Variants in RBFOX1 observed in about 807,000 individuals in gnomAD.
RBFOX1 encodes the protein RNA binding protein fox-1 homolog 1.
Under a neutral mutation model 57.7 loss-of-function variants are expected in RBFOX1, and 8 were observed. The ratio of observed to expected loss-of-function variants is 0.14; its 90% CI spans 0.08 to 0.25. The LOEUF (loss-of-function observed/expected upper bound fraction) is 0.25. Among genes scored for constraint, RBFOX1 ranks in the 10% least tolerant of loss-of-function variants. RBFOX1 has a pLI of 1.00. For missense variants in RBFOX1, 611 were observed against 548.5 expected (o/e 1.11, Z -1.14); for synonymous variants, 326 against 222.4 (o/e 1.47, Z -4.15).
At chr16:7,301,689 G>A (rs530007715) in intron 4 of RBFOX1, among the ~76,000 whole-genome samples, 2 of 152,164 alleles carry the variant, frequency 1.3e-5, no homozygotes, top group Admixed American at 6.5e-5. Context: ...TGAGCTGAAG[G>A]AAAAAATTCT....
intron 4 of RBFOX1, among the ~76,000 whole-genome samples, chr16:7,078,934 T>TC (rs1678040123): frequency 7.4e-6 from 1 of 136,050 alleles, no homozygotes; most frequent in Non-Finnish European, 1.5e-5. Context: ...GGTCTTGAGC[T>TC]CCTGACCTCG....
At chr16:7,663,436 C>T (rs1393579255) in intron 12 of RBFOX1, among the ~76,000 whole-genome samples, 1 of 152,128 alleles carries the variant, frequency 6.6e-6, no homozygotes, top group Non-Finnish European at 1.5e-5. Context: ...CTCTGAAATA[C>T]TCTAAGCAGC....
intron 1 of RBFOX1, among the ~76,000 whole-genome samples, chr16:5,355,314 G>T (rs1408967810): frequency 6.6e-6 from 1 of 152,194 alleles, no homozygotes; most frequent in Non-Finnish European, 1.5e-5. Context: ...GTGGCAGGAC[G>T]CAGGGACTAT....
chr16:6,297,148 C>T (rs965941003), intron 1 of RBFOX1, among the ~76,000 whole-genome samples: 6 of 152,116 alleles, frequency 3.9e-5, no homozygotes, highest in South Asian at 2.1e-4. Context: ...TCAGTGTTGT[C>T]GCCATCTTCG....
intron 4 of RBFOX1, among the ~76,000 whole-genome samples, chr16:5,941,330 T>G (rs1308814132): frequency 6.6e-6 from 1 of 151,864 alleles, no homozygotes; most frequent in Admixed American, 6.6e-5. Context: ...TCTCTACATT[T>G]TTTTTTTAAG....
At chr16:5,536,258 T>C (rs1254851922) in intron 2 of RBFOX1, among the ~76,000 whole-genome samples, 2 of 140,372 alleles carry the variant, frequency 1.4e-5, no homozygotes, top group East Asian at 2.0e-4. Context: ...TTTTTTTAGA[T>C]GGAGTCTTGC....
At chr16:6,698,963 G>T (rs1310593845) in intron 3 of RBFOX1, among the ~76,000 whole-genome samples, 1 of 152,214 alleles carries the variant, frequency 6.6e-6, no homozygotes. Flanking sequence ...AACAAGGGGT[G>T]ATGATTGTGA....
intron 4 of RBFOX1, among the ~76,000 whole-genome samples, chr16:5,989,855 CA>C (rs1253028467): frequency 1.9e-5 from 2 of 107,476 alleles, no homozygotes; most frequent in African/African-American, 6.7e-5. Context: ...CACACACACA[CA>C]CACACACACA....
At chr16:7,479,083 T>G (rs2063337528) in intron 4 of RBFOX1, among the ~76,000 whole-genome samples, 1 of 150,678 alleles carries the variant, frequency 6.6e-6, no homozygotes. Context: ...TGCACTCAGG[T>G]TGTGGTGGGA....
intron 4 of RBFOX1, among the ~76,000 whole-genome samples, chr16:7,452,989 C>T (rs1273575330): frequency 6.6e-6 from 1 of 151,894 alleles, no homozygotes; most frequent in African/African-American, 2.4e-5. Context: ...ATTAGCAGGG[C>T]ATGGTGGTGC....
intron 4 of RBFOX1, among the ~76,000 whole-genome samples, chr16:7,061,894 G>A (rs2054404981): frequency 6.6e-6 from 1 of 152,158 alleles, no homozygotes; most frequent in African/African-American, 2.4e-5. Context: ...AGGGCAGGAA[G>A]CAAATAAATA....
intron 1 of RBFOX1, among the ~76,000 whole-genome samples, chr16:6,217,499 G>C (rs1414494934): frequency 1.3e-5 from 2 of 152,124 alleles, no homozygotes; most frequent in African/African-American, 4.8e-5. Context: ...AGGGAAATAA[G>C]GAGCATGGTG....
chr16:7,468,457 GT>G (rs370402076), intron 4 of RBFOX1, among the ~76,000 whole-genome samples: 2,766 of 133,354 alleles, frequency 0.021, 57 homozygotes, highest in African/African-American at 0.062. Flanking sequence ...CTCGGAGGGT[GT>G]TTTTTTTTTT....
At chr16:5,295,461 G>T (rs2151184868) in intron 1 of RBFOX1, among the ~76,000 whole-genome samples, 1 of 152,298 alleles carries the variant, frequency 6.6e-6, no homozygotes, top group South Asian at 2.1e-4. Context: ...TCAGTGCAAG[G>T]CTGCAGCCGT....
intron 2 of RBFOX1, among the ~76,000 whole-genome samples, chr16:6,335,034 G>A (rs1000636125): frequency 2.0e-5 from 3 of 152,208 alleles, no homozygotes; most frequent in African/African-American, 4.8e-5. Flanking sequence ...TATTATGCCT[G>A]TTAGTATTTC....
At chr16:7,070,466 T>C (rs1328609033) in intron 4 of RBFOX1, among the ~76,000 whole-genome samples, 1 of 152,198 alleles carries the variant, frequency 6.6e-6, no homozygotes, top group African/African-American at 2.4e-5. Context: ...TTTTGTGGTG[T>C]TATTTTCAGG....
chr16:6,842,635 T>G (rs982844576), intron 3 of RBFOX1, among the ~76,000 whole-genome samples: 1 of 144,604 alleles, frequency 6.9e-6, no homozygotes, highest in Admixed American at 7.4e-5. Flanking sequence ...TTAGACTGTT[T>G]TTTTTAAATC....
chr16:6,839,461 C>T (rs2093337026), intron 3 of RBFOX1, among the ~76,000 whole-genome samples: 1 of 152,186 alleles, frequency 6.6e-6, no homozygotes, highest in Non-Finnish European at 1.5e-5. Context: ...CTGCTATCTG[C>T]TGAACAGCTC....
chr16:5,883,865 G>C (rs752664823), intron 4 of RBFOX1, among the ~76,000 whole-genome samples: 1 of 152,104 alleles, frequency 6.6e-6, no homozygotes, highest in Non-Finnish European at 1.5e-5. Flanking sequence ...TTAAATAATA[G>C]GATGAGAAGG....
Sources: allele counts gnomAD v4.1 joint callset (sites outside exome capture counted in the v4.1 genomes callset), GRCh38; gene constraint gnomAD v4.1.1; transcripts MANE v1.5; gene names NCBI Gene and HGNC (gene_info 2026-07-23, HGNC 2026-07-21).